Variants in STXBP6 observed in about 807,000 individuals in gnomAD.
STXBP6 encodes the protein syntaxin-binding protein 6.
STXBP6 carries 21 observed loss-of-function variants against 26.9 expected under a neutral mutation model. That is an observed-to-expected ratio of 0.78 (90% CI 0.55 to 1.12). The LOEUF (loss-of-function observed/expected upper bound fraction) is 1.12, where lower values mean the gene tolerates loss of function less well. Ranked by LOEUF, STXBP6 falls within the 50% of genes most tolerant of loss-of-function variation. The pLI is 0.00. For missense variants in STXBP6, 232 were observed against 257.9 expected (o/e 0.90, Z 0.69); for synonymous variants, 97 against 92.6 (o/e 1.05, Z -0.27).
intron 2 of STXBP6, among the ~76,000 whole-genome samples, chr14:24,931,361 T>C (rs1304660742): frequency 2.0e-5 from 3 of 151,918 alleles, no homozygotes; most frequent in Admixed American, 1.3e-4. Flanking sequence ...ATTGTGCACA[T>C]GTACCCTAGA....
intron 1 of STXBP6, among the ~76,000 whole-genome samples, chr14:24,994,613 T>TA (rs1187731748): frequency 6.6e-6 from 1 of 152,320 alleles, no homozygotes; most frequent in East Asian, 1.9e-4. Flanking sequence ...ATTGTAGCAG[T>TA]AATAATACTA....
chr14:25,016,152 A>G (rs962171849), intron 1 of STXBP6, among the ~76,000 whole-genome samples: 1 of 152,076 alleles, frequency 6.6e-6, no homozygotes, highest in Non-Finnish European at 1.5e-5. Flanking sequence ...GCTACCTACT[A>G]TTCTTATTAT....
At chr14:24,944,741 G>A (rs990161707) in intron 2 of STXBP6, among the ~76,000 whole-genome samples, 1 of 152,086 alleles carries the variant, frequency 6.6e-6, no homozygotes, top group Non-Finnish European at 1.5e-5. Context: ...TGCTGTCCTA[G>A]GTTTTGGACC....
At chr14:24,904,356 T>C (rs1219171442) in intron 2 of STXBP6, among the ~76,000 whole-genome samples, 1 of 152,228 alleles carries the variant, frequency 6.6e-6, no homozygotes, top group Admixed American at 6.5e-5. Flanking sequence ...ATTAGGTTGG[T>C]GCAAAAGTAA....
intron 2 of STXBP6, among the ~76,000 whole-genome samples, chr14:24,869,425 C>A (rs1595002981): frequency 6.6e-6 from 1 of 152,182 alleles, no homozygotes; most frequent in Non-Finnish European, 1.5e-5. Context: ...GCCTATGAAT[C>A]ATTCCCGAAA....
rs1263492576 is a variant in STXBP6, at chr14:24,809,890, T to C, written c.*2819A>G. 1.3e-5 allele frequency: 2 copies of C among 152,218 alleles called. No individual in the cohort carries two copies. Among genetic ancestry groups the C allele is most frequent in the South Asian group, 2.1e-4 (1 of 4,834 alleles). 9.4% of individuals were successfully genotyped at this position (152,218 alleles called of 1,614,324 possible). ...CATCCTGTAAATAATTTTAAATAGA[T>C]GCACAACCTTTGCTAGCCACAAAAG... On this transcript the variant is annotated 3_prime_UTR_variant, in exon 6 of 6. Coordinates refer to ENST00000323944, the MANE Select transcript of STXBP6 (RefSeq NM_001394410.1).
intron 2 of STXBP6, among the ~76,000 whole-genome samples, chr14:24,909,739 A>G (rs1368496730): frequency 2.0e-5 from 3 of 149,058 alleles, no homozygotes; most frequent in Non-Finnish European, 4.5e-5. Context: ...TTTTTTTTTG[A>G]CAGTCTTGCT....
Position 24,892,812 on chromosome 14 carries a change from G to A in STXBP6, c.155-35655C>T, listed in dbSNP as rs182364387. Among the ~76,000 whole-genome samples the A allele has an allele frequency of 7.2e-5, 11 of 152,324 alleles. No individual in the cohort carries two copies. In the East Asian group the frequency reaches 9.7e-4, roughly 13 times the overall value. On this transcript the variant is annotated intron_variant, in intron 2 of 5. Transcript: ENST00000323944. ...CAAATATGAGGCACATTACTAAGAT[G>A]TTATCAAGCAGGAGCAGGGGCTTGG...
chr14:24,924,688 C>T (rs543324013), intron 2 of STXBP6, among the ~76,000 whole-genome samples: 51 of 152,256 alleles, frequency 3.3e-4, no homozygotes, highest in African/African-American at 1.0e-3. Flanking sequence ...CTGTTACATT[C>T]ACCATTGTGC....
intron 2 of STXBP6, among the ~76,000 whole-genome samples, chr14:24,920,366 A>G (rs2071936247): frequency 6.6e-6 from 1 of 152,026 alleles, no homozygotes; most frequent in African/African-American, 2.4e-5. Flanking sequence ...AGTTTAAAAT[A>G]TTTACTCATA....
At chr14:24,921,990 T>A (rs2071996190) in intron 2 of STXBP6, among the ~76,000 whole-genome samples, 1 of 151,712 alleles carries the variant, frequency 6.6e-6, no homozygotes, top group Non-Finnish European at 1.5e-5. Flanking sequence ...TTCATCCCCC[T>A]CCCCTTTTTT....
At chr14:25,017,412 T>A (rs2075172918) in intron 1 of STXBP6, among the ~76,000 whole-genome samples, 2 of 152,158 alleles carry the variant, frequency 1.3e-5, no homozygotes, top group African/African-American at 4.8e-5. Context: ...ATTCAGAATC[T>A]CCATGAGAGA....
chr14:25,043,857 G>C (rs1370674681), intron 1 of STXBP6, among the ~76,000 whole-genome samples: 1 of 152,102 alleles, frequency 6.6e-6, no homozygotes, highest in Non-Finnish European at 1.5e-5. Context: ...ATGGATATTT[G>C]GGTTGTTTCC....
chr14:24,855,290 C>T, intron 4 of STXBP6, among the ~76,000 whole-genome samples: 1 of 152,096 alleles, frequency 6.6e-6, no homozygotes, highest in East Asian at 1.9e-4. Flanking sequence ...CACTCTTCCC[C>T]AACTCACAGA....
intron 5 of STXBP6, among the ~76,000 whole-genome samples, chr14:24,815,507 A>G (rs1305608786): frequency 1.3e-5 from 2 of 149,918 alleles, no homozygotes; most frequent in Admixed American, 1.3e-4. Context: ...AATATTATAT[A>G]TTATAAGACC....
In STXBP6 at chr14:24,963,307, A is replaced by G. The variant is rs193124904; in HGVS notation, c.154+11358T>C. The stretch of plus-strand genomic sequence containing the variant: ...ACGAGGGCGGCTAATGCTTCCTTTC[A>G]GGAAGATGAAAACTTGGATCTCAAG... On this transcript the variant is annotated intron_variant, in intron 2 of 5. Transcript: ENST00000323944. Among the ~76,000 whole-genome samples, 29 of 152,334 alleles carry G rather than the reference A, an allele frequency of 1.9e-4. No homozygotes were observed. The East Asian group carries it at 5.6e-3, about 29-fold the overall frequency.
chr14:25,029,895 C>T (rs1184923058), intron 1 of STXBP6, among the ~76,000 whole-genome samples: 1 of 152,166 alleles, frequency 6.6e-6, no homozygotes, highest in Non-Finnish European at 1.5e-5. Flanking sequence ...ATAACAGACA[C>T]TACTTGATTC....
chr14:24,906,259 T>C (rs1015882888), intron 2 of STXBP6, among the ~76,000 whole-genome samples: 14 of 152,152 alleles, frequency 9.2e-5, no homozygotes, highest in African/African-American at 3.4e-4. Context: ...ATTTACCCTA[T>C]AGGCTAAAAA....
In STXBP6 at chr14:24,956,683, C is replaced by CA. The variant is rs540828087; in HGVS notation, c.154+17981dup. On this transcript the variant is annotated intron_variant, in intron 2 of 5. Coordinates refer to ENST00000323944, the MANE Select transcript of STXBP6 (RefSeq NM_001394410.1). ...ACTGACAGCACGTCAGCTTAAAGAA[C>CA]AAAAAACAAACAAAATACCTCACAC... Among the ~76,000 whole-genome samples the CA allele has an allele frequency of 1.4e-4, 22 of 151,906 alleles. No homozygotes were observed. The South Asian group carries it at 4.0e-3, about 27-fold the overall frequency.
Sources: gnomAD v4.1 joint callset for allele counts (sites outside exome capture counted in the v4.1 genomes callset) on GRCh38, gnomAD v4.1.1 for gene constraint, MANE v1.5 for transcripts, NCBI Gene and HGNC (gene_info 2026-07-23, HGNC 2026-07-21) for gene names.